TAFA1: variants seen among roughly 807,000 people sequenced by gnomAD.
TAFA1 encodes the protein chemokine-like protein TAFA-1.
Under a neutral mutation model 18.5 loss-of-function variants are expected in TAFA1, and 4 were observed. That is an observed-to-expected ratio of 0.22 (90% CI 0.11 to 0.49). The LOEUF is 0.49. TAFA1 is among the 20% of genes least tolerant of loss of function. The probability of loss-of-function intolerance (pLI) is 0.98; values close to 1 mark genes in which losing one functional copy is unlikely to be tolerated. For synonymous variants in TAFA1, 56 were observed against 55.2 expected, an observed-to-expected ratio of 1.01 and a Z score of -0.06; for missense variants, 147 against 169.0, an observed-to-expected ratio of 0.87 and a Z score of 0.72.
At chr3:68,392,510 A>G (rs577872836) in intron 2 of TAFA1, among the ~76,000 whole-genome samples, 2 of 152,024 alleles carry the variant, frequency 1.3e-5, no homozygotes, top group East Asian at 3.9e-4. Context: ...ACCAAGCAGA[A>G]CTAATAGACA....
chr3:68,043,827 T>C (rs1705215282), intron 2 of TAFA1, among the ~76,000 whole-genome samples: 1 of 152,300 alleles, frequency 6.6e-6, no homozygotes, highest in East Asian at 1.9e-4. Context: ...TCAAGAAAAA[T>C]TCATTTCTGT....
intron 2 of TAFA1, among the ~76,000 whole-genome samples, chr3:68,326,914 G>A (rs2068784975): frequency 1.3e-5 from 2 of 152,140 alleles, no homozygotes; most frequent in African/African-American, 4.8e-5. Context: ...TTATAGATTA[G>A]ATTGCTGAAA....
chr3:68,124,292 C>T (rs1345658423), intron 2 of TAFA1, among the ~76,000 whole-genome samples: 2 of 152,156 alleles, frequency 1.3e-5, no homozygotes, highest in African/African-American at 4.8e-5. Flanking sequence ...CTGTTCTTAG[C>T]AGTTGATGCA....
intron 2 of TAFA1, among the ~76,000 whole-genome samples, chr3:68,021,140 C>T (rs751470776): frequency 3.1e-5 from 4 of 128,118 alleles, no homozygotes; most frequent in East Asian, 2.6e-4. Flanking sequence ...GAGCCAAGAT[C>T]GTGCCACTGC....
intron 2 of TAFA1, among the ~76,000 whole-genome samples, chr3:68,140,543 C>CTA (rs2065656969): frequency 6.6e-6 from 1 of 152,140 alleles, no homozygotes; most frequent in African/African-American, 2.4e-5. Context: ...TTTTGAGTGC[C>CTA]TACCCTGCAT....
chr3:68,002,668 ATT>A (rs199640589), upstream of TAFA1, among the ~76,000 whole-genome samples: 2 of 152,212 alleles, frequency 1.3e-5, no homozygotes, highest in South Asian at 4.1e-4. Flanking sequence ...TATAATAGTT[ATT>A]TTTTTGGATT....
chr3:68,156,435 G>C (rs1267229737), intron 2 of TAFA1, among the ~76,000 whole-genome samples: 1 of 151,952 alleles, frequency 6.6e-6, no homozygotes, highest in Non-Finnish European at 1.5e-5. Flanking sequence ...TTTTCTCCTG[G>C]GTCTGCTTCT....
At chr3:68,449,935 C>A (rs2071541814) in intron 3 of TAFA1, among the ~76,000 whole-genome samples, 1 of 152,190 alleles carries the variant, frequency 6.6e-6, no homozygotes, top group African/African-American at 2.4e-5. Flanking sequence ...TTCTCACTCA[C>A]AGGACCTGCC....
rs555012510 is a variant in TAFA1 at position 68,311,617 on chromosome 3, C to T, written c.119-105663C>T. On this transcript the variant is annotated intron_variant, in intron 2 of 4. Transcript: ENST00000478136. ...AATGATCTCCTTTGACTCCATGTCT[C>T]ACATTCAGGTCACACTGATGCAAGA... Among the ~76,000 whole-genome samples the T allele has an allele frequency of 2.6e-5, 4 of 152,356 alleles. No homozygotes were observed. The East Asian group carries it at 7.7e-4, about 29-fold the overall frequency.
chr3:68,086,481 A>G (rs1424931749), intron 2 of TAFA1, among the ~76,000 whole-genome samples: 1 of 152,206 alleles, frequency 6.6e-6, no homozygotes, highest in Admixed American at 6.5e-5. Flanking sequence ...TGATTGTTGC[A>G]TGTTAAAACA....
chr3:68,282,024 A>G (rs939408956), intron 2 of TAFA1, among the ~76,000 whole-genome samples: 2 of 152,098 alleles, frequency 1.3e-5, no homozygotes, highest in African/African-American at 4.8e-5. Flanking sequence ...GTGGAAGGGG[A>G]AGCAAACATG....
At chr3:67,994,321 T>G in the TAFA1 span, among the ~76,000 whole-genome samples, 1 of 152,236 alleles carries the variant, frequency 6.6e-6, no homozygotes, top group African/African-American at 2.4e-5. Context: ...CAGCTCTAGG[T>G]AATACAGTCC....
At chr3:68,123,422 C>T (rs921685051) in intron 2 of TAFA1, among the ~76,000 whole-genome samples, 6 of 152,218 alleles carry the variant, frequency 3.9e-5, no homozygotes, top group Non-Finnish European at 8.8e-5. Flanking sequence ...ACAGTCATTT[C>T]CTCTTGCGCA....
chr3:68,250,781 T>C (rs2067181222), intron 2 of TAFA1: 1 of 152,052 alleles, frequency 6.6e-6, no homozygotes, highest in Non-Finnish European at 1.5e-5. Flanking sequence ...TTTGTTGTTT[T>C]TTTTTTTTAG....
At chr3:68,417,620 A>T in intron 3 of TAFA1, 200 bp downstream of exon 3, 1 of 581,858 alleles carries the variant, frequency 1.7e-6, no homozygotes, top group South Asian at 2.3e-5. Context: ...TCCCCAAAAA[A>T]TAGATGTTGA....
chr3:68,451,850 T>C (rs1298196776), intron 3 of TAFA1, among the ~76,000 whole-genome samples: 1 of 152,178 alleles, frequency 6.6e-6, no homozygotes, highest in East Asian at 1.9e-4. Flanking sequence ...AGTTAGCTGA[T>C]ACTAAAAGGA....
At chr3:68,157,400 A>G (rs1316294039) in intron 2 of TAFA1, among the ~76,000 whole-genome samples, 1 of 152,176 alleles carries the variant, frequency 6.6e-6, no homozygotes, top group Non-Finnish European at 1.5e-5. Context: ...TAAGCTTGTT[A>G]TTTACTGGAA....
intron 2 of TAFA1, among the ~76,000 whole-genome samples, chr3:68,212,984 C>T (rs2066614031): frequency 6.6e-6 from 1 of 151,716 alleles, no homozygotes; most frequent in Non-Finnish European, 1.5e-5. Context: ...CGTTAACCCT[C>T]CTCTGGGCCC....
intron 2 of TAFA1, among the ~76,000 whole-genome samples, chr3:68,101,273 T>A (rs2065144524): frequency 1.3e-5 from 2 of 150,666 alleles, no homozygotes; most frequent in African/African-American, 4.8e-5. Context: ...CTTTTTTTAT[T>A]TTTATTTTTA....
Sources: allele counts gnomAD v4.1 joint callset (sites outside exome capture counted in the v4.1 genomes callset), GRCh38; gene constraint gnomAD v4.1.1; transcripts MANE v1.5; gene names NCBI Gene and HGNC (gene_info 2026-07-23, HGNC 2026-07-21).